RNF41: variants seen among roughly 807,000 people sequenced by gnomAD.
The protein encoded by RNF41 is E3 ubiquitin-protein ligase NRDP1.
Under a neutral mutation model 33.0 loss-of-function variants are expected in RNF41, and 4 were observed. That is an observed-to-expected ratio of 0.12 (90% CI 0.06 to 0.28). The LOEUF (loss-of-function observed/expected upper bound fraction) is 0.28. RNF41 is among the 10% of genes least tolerant of loss of function. The probability of loss-of-function intolerance (pLI) is 1.00; values close to 1 mark genes in which losing one functional copy is unlikely to be tolerated. For missense variants in RNF41, 228 were observed against 432.6 expected (o/e 0.53, Z 4.19); for synonymous variants, 164 against 153.2 (o/e 1.07, Z -0.52).
intron 1 of RNF41, among the ~76,000 whole-genome samples, chr12:56,218,713 T>A (rs887783792): frequency 6.1e-5 from 9 of 146,970 alleles, no homozygotes; most frequent in Non-Finnish European, 1.2e-4. Flanking sequence ...ATATATGTTA[T>A]TTTTTTTTTG....
intron 6 of RNF41, chr12:56,207,423 T>C: frequency 3.8e-6 from 3 of 787,842 alleles, no homozygotes; most frequent in Admixed American, 2.0e-5. Flanking sequence ...AGTGCATCCT[T>C]GGGCAGGCTT....
At chr12:56,207,357 C>T in intron 6 of RNF41, 2 of 1,085,284 alleles carry the variant, frequency 1.8e-6, no homozygotes, top group Non-Finnish European at 2.6e-6. Context: ...CCTCCTAGCA[C>T]TCCACAGCCT....
intron 6 of RNF41, chr12:56,207,259 A>T: frequency 5.3e-6 from 7 of 1,330,688 alleles, no homozygotes; most frequent in Non-Finnish European, 6.9e-6. Flanking sequence ...CATTTTAGAG[A>T]TCACTTTCCT....
chr12:56,215,135 A>C (rs1357654150), intron 2 of RNF41, among the ~76,000 whole-genome samples: 1 of 152,146 alleles, frequency 6.6e-6, no homozygotes, highest in African/African-American at 2.4e-5. Flanking sequence ...AGGTTCAGAG[A>C]ATTTCAAGTG....
chr12:56,206,944 A>G lies in RNF41; in HGVS notation c.603-146T>C, dbSNP rs1365038402. 1 of 934,864 alleles carries G rather than the reference A, an allele frequency of 1.1e-6. No individual in the cohort carries two copies. Among genetic ancestry groups the G allele is most frequent in the Non-Finnish European group, 1.6e-6 (1 of 642,920 alleles). 57.9% of individuals were successfully genotyped at this position (934,864 alleles called of 1,614,324 possible). A position where few individuals can be genotyped will look rare whatever the true frequency, so the allele number is the denominator to read the frequency against. On this transcript the variant is annotated intron_variant, in intron 6 of 6. Coordinates refer to ENST00000345093, the MANE Select transcript of RNF41 (RefSeq NM_005785.4). The surrounding 1 kb of genome is among the most constrained non-coding windows in gnomAD (Gnocchi z 5.7). ...TTCCATCATTGGCTCAGAAACCCCA[A>G]ATCTTTCCCCACTTGGTCCCAACTG...
Position 56,208,198 on chromosome 12 carries a change from T to A in RNF41, c.463A>T (p.Thr155Ser). Residue 155 changes from threonine to serine, a missense_variant, in exon 5 of 7, where the codon ACG becomes TCG. Thr to Ser is a moderately conservative substitution (Grantham distance 58, BLOSUM62 1). Transcript: ENST00000345093. ...QQTRIAELEKTSAEHKHQLAE... is the reference protein window; with the variant it reads ...QQTRIAELEKSSAEHKHQLAE... ...AGCTGGTGTTTGTGTTCAGCTGACGTCTTCTCCAGCTCTGCGATGCGTGTC... is the reference window on the plus strand; with the variant it reads ...AGCTGGTGTTTGTGTTCAGCTGACGACTTCTCCAGCTCTGCGATGCGTGTC... 6.2e-7 allele frequency: 1 copy of A among 1,614,222 alleles called. No homozygotes were observed.
chr12:56,211,974 A>AAAAAC (rs1386631915), intron 3 of RNF41, among the ~76,000 whole-genome samples: 2 of 150,866 alleles, frequency 1.3e-5, no homozygotes, highest in African/African-American at 4.9e-5. Flanking sequence ...TCCATCTCAA[A>AAAAAC]AAAACAAAAC....
At chr12:56,219,988 G>A (rs904841520) in intron 1 of RNF41, among the ~76,000 whole-genome samples, 1 of 151,268 alleles carries the variant, frequency 6.6e-6, no homozygotes, top group Non-Finnish European at 1.5e-5. Context: ...CCGCACTCCG[G>A]CCTGGGTGAC....
rs887815887 is a variant in RNF41 at position 56,205,329 on chromosome 12, T to C, written c.*1118A>G. 3 of 152,036 alleles carry C rather than the reference T, an allele frequency of 2.0e-5. No homozygotes were observed. The highest frequency in any genetic ancestry group is 6.6e-5 in the Admixed American group (1 of 15,262). The allele number at this position is 152,036 out of a possible 1,614,324, so 9.4% of individuals were successfully genotyped here. On this transcript the variant is annotated 3_prime_UTR_variant, in exon 7 of 7. Transcript: ENST00000345093. ...AGATATCGTAAGTTCAGCCGAGGACTCCCTTGGCTCTTCCTATATTAAAGC... is the reference window on the plus strand; with the variant it reads ...AGATATCGTAAGTTCAGCCGAGGACCCCCTTGGCTCTTCCTATATTAAAGC...
intron 2 of RNF41, among the ~76,000 whole-genome samples, chr12:56,215,538 G>A (rs996392761): frequency 2.6e-5 from 4 of 151,934 alleles, no homozygotes; most frequent in Non-Finnish European, 5.9e-5. Flanking sequence ...GGCCAACATG[G>A]CGAAACCCCG....
In RNF41 at chr12:56,221,075, A is replaced by C. The variant is rs1869373892; in HGVS notation, c.-209+685T>G. Among the ~76,000 whole-genome samples the C allele has an allele frequency of 2.0e-5, 3 of 152,286 alleles. No individual in the cohort carries two copies. The South Asian group carries it at 6.2e-4, about 32-fold the overall frequency. On this transcript the variant is annotated intron_variant, in intron 1 of 6. Coordinates refer to ENST00000345093, the MANE Select transcript of RNF41 (RefSeq NM_005785.4). ...AAATGAAGTTTCTGAACGGGGAAGC[A>C]GTCTGTCAATCCCTCAAGCAAAACG...
chr12:56,204,617 TGA>T lies in RNF41; in HGVS notation c.*1828_*1829del, dbSNP rs1878757001. ...TGCAAAGGGTAGGGAAGCCTTTCAC[TGA>T]GCTTCCTGGCTCCATCTGAGGGTAA... On this transcript the variant is annotated 3_prime_UTR_variant, in exon 7 of 7. Coordinates refer to ENST00000345093, the MANE Select transcript of RNF41 (RefSeq NM_005785.4). 6.6e-6 allele frequency: 1 copy of T among 152,620 alleles called. No homozygotes were observed. Among genetic ancestry groups the T allele is most frequent in the Admixed American group, 6.5e-5 (1 of 15,268 alleles). The allele number at this position is 152,620 out of a possible 1,614,324, so 9.5% of individuals were successfully genotyped here.
intron 4 of RNF41, among the ~76,000 whole-genome samples, chr12:56,209,743 C>T (rs1382947192): frequency 1.3e-5 from 2 of 152,072 alleles, no homozygotes; most frequent in East Asian, 3.9e-4. Flanking sequence ...AGGCGTGAGC[C>T]ACCGCGCCCG....
At chr12:56,212,967 T>A in intron 3 of RNF41, 1 of 1,286,314 alleles carries the variant, frequency 7.8e-7, no homozygotes, top group Non-Finnish European at 1.0e-6. Context: ...ATACAACTCT[T>A]AAGGATTCAC....
Position 56,213,015 on chromosome 12 carries a change from C to A in RNF41, c.90+943G>T, listed in dbSNP as rs575661609. Reference sequence around the variant, plus strand: ...ACTTGCCTGGTAATCGTGAGCTTCTCCTCATACTTGCCCCAGGATGATACA... The same window carrying A: ...ACTTGCCTGGTAATCGTGAGCTTCTACTCATACTTGCCCCAGGATGATACA... On this transcript the variant is annotated intron_variant, in intron 3 of 6. Transcript: ENST00000345093. 3 of 1,289,796 alleles carry A rather than the reference C, an allele frequency of 2.3e-6. No individual in the cohort carries two copies. In the African/African-American group the frequency reaches 4.5e-5, roughly 20 times the overall value. 79.9% of individuals were successfully genotyped at this position (1,289,796 alleles called of 1,614,324 possible).
chr12:56,216,922 C>T (rs1483957864), intron 1 of RNF41, among the ~76,000 whole-genome samples: 3 of 150,904 alleles, frequency 2.0e-5, no homozygotes, highest in Admixed American at 6.6e-5. Context: ...GGGTGGATCA[C>T]GAGGTCAGGA....
In RNF41 at chr12:56,210,490, G is replaced by A. The variant is rs1370594137; in HGVS notation, c.169C>T (p.Arg57Cys). The A allele has an allele frequency of 6.2e-7, 1 of 1,614,168 alleles. No homozygotes were observed. The highest frequency in any genetic ancestry group is 1.7e-5 in the Admixed American group (1 of 60,018). The change falls in exon 4 of 7, where the codon CGT (arginine) becomes TGT (cysteine). Residue 57 changes from arginine to cysteine, a missense_variant. Transcript: ENST00000345093. ...FSQQQTCPVD[R>C]SVVTVAHLRP... ...AGATGGGCGACCGTCACAACACTAC[G>A]GTCCACTGGACATGTCTGTTGCTGA...
intron 5 of RNF41, 158 bp downstream of exon 5, chr12:56,208,005 C>A: frequency 1.1e-6 from 1 of 883,130 alleles, no homozygotes; most frequent in Non-Finnish European, 1.8e-6. Flanking sequence ...AGGAGAGCTC[C>A]AATCTGATTC....
Position 56,206,380 on chromosome 12 carries a change from G to C in RNF41, c.*67C>G. ...TATTAAGAATGGTGGGTAGGACTCA[G>C]GTCCCAGCTGCTGGAGTGATGGGAT... On this transcript the variant is annotated 3_prime_UTR_variant, in exon 7 of 7. Coordinates refer to ENST00000345093, the MANE Select transcript of RNF41 (RefSeq NM_005785.4). The surrounding 1 kb of genome is among the most constrained non-coding windows in gnomAD (Gnocchi z 5.7). 1 of 1,342,768 alleles carries C rather than the reference G, an allele frequency of 7.4e-7. No individual in the cohort carries two copies. Among genetic ancestry groups the C allele is most frequent in the Non-Finnish European group, 1.0e-6 (1 of 960,104 alleles). The allele number at this position is 1,342,768 out of a possible 1,614,324, so 83.2% of individuals were successfully genotyped here. A position where few individuals can be genotyped will look rare whatever the true frequency, so the allele number is the denominator to read the frequency against.
Sources: allele counts gnomAD v4.1 joint callset (sites outside exome capture counted in the v4.1 genomes callset), GRCh38; gene constraint gnomAD v4.1.1; non-coding constraint Gnocchi (gnomAD v3.1); transcripts MANE v1.5; gene names NCBI Gene and HGNC (gene_info 2026-07-23, HGNC 2026-07-21).